LYPLAL1: variants seen among roughly 807,000 people sequenced by gnomAD.
LYPLAL1 encodes lysophospholipase like 1.
A neutral mutation model predicts 19.7 loss-of-function variants in LYPLAL1; 23 were observed. The observed-to-expected ratio is 1.17, with a 90% CI of 0.84 to 1.65. LYPLAL1 has a LOEUF of 1.65. Ranked by LOEUF, LYPLAL1 falls within the 40% of genes most tolerant of loss-of-function variation. The pLI, the probability that LYPLAL1 is intolerant of heterozygous loss-of-function variation, is 0.00. For synonymous variants in LYPLAL1, 119 were observed against 96.3 expected (o/e 1.24, Z -1.38); for missense variants, 355 against 279.4 (o/e 1.27, Z -1.93).
At chr1:219,187,349 A>G (rs1656811967) in intron 2 of LYPLAL1, among the ~76,000 whole-genome samples, 1 of 151,660 alleles carries the variant, frequency 6.6e-6, no homozygotes, top group African/African-American at 2.4e-5. Flanking sequence ...GGGCATAGTC[A>G]GTAAAAGTCA....
At chr1:219,240,400 T>A in the LYPLAL1 span, among the ~76,000 whole-genome samples, 1 of 152,178 alleles carries the variant, frequency 6.6e-6, no homozygotes, top group African/African-American at 2.4e-5. Flanking sequence ...TTTGGAAGAT[T>A]TTCTACAAAA....
At chr1:219,372,911 A>T in the LYPLAL1 span, among the ~76,000 whole-genome samples, 181 of 152,308 alleles carry the variant, frequency 1.2e-3, no homozygotes, top group Admixed American at 1.9e-3. Context: ...CTCAAAAAAA[A>T]AAATAAATAA....
chr1:219,386,189 A>T, the LYPLAL1 span, among the ~76,000 whole-genome samples: 2 of 152,184 alleles, frequency 1.3e-5, no homozygotes, highest in African/African-American at 4.8e-5. Flanking sequence ...TTGCCATTTA[A>T]CATTTCTATT....
At chr1:219,445,187 T>A in the LYPLAL1 span, among the ~76,000 whole-genome samples, 1 of 152,098 alleles carries the variant, frequency 6.6e-6, no homozygotes, top group Non-Finnish European at 1.5e-5. Flanking sequence ...AATTTTTTTT[T>A]AATAATAAGT....
the LYPLAL1 span, among the ~76,000 whole-genome samples, chr1:219,308,200 A>C: frequency 1.3e-5 from 2 of 152,112 alleles, no homozygotes; most frequent in Non-Finnish European, 2.9e-5. Flanking sequence ...GAGAGAGATG[A>C]TTTAGGGTAT....
the LYPLAL1 span, chr1:219,435,514 C>T: frequency 1.3e-5 from 2 of 152,080 alleles, no homozygotes; most frequent in Admixed American, 6.6e-5. Flanking sequence ...ATGTTATCTT[C>T]CTAATGTTAA....
chr1:219,255,458 G>A, the LYPLAL1 span, among the ~76,000 whole-genome samples: 253 of 151,950 alleles, frequency 1.7e-3, no homozygotes, highest in Non-Finnish European at 1.9e-3. Flanking sequence ...CTAATATGCA[G>A]CAAACTTGCT....
At chr1:219,411,413 GA>G in the LYPLAL1 span, among the ~76,000 whole-genome samples, 1 of 152,152 alleles carries the variant, frequency 6.6e-6, no homozygotes, top group Non-Finnish European at 1.5e-5. Context: ...GGGCCTTGGA[GA>G]ACCTGTGTGT....
At chr1:219,400,129 G>A in the LYPLAL1 span, among the ~76,000 whole-genome samples, 3 of 152,186 alleles carry the variant, frequency 2.0e-5, no homozygotes, top group East Asian at 3.9e-4. Flanking sequence ...CAGTATCGTC[G>A]TGCGGGGTTC....
chr1:219,180,294 A>AT (rs1353901358), intron 2 of LYPLAL1, among the ~76,000 whole-genome samples: 1 of 152,076 alleles, frequency 6.6e-6, no homozygotes, highest in Non-Finnish European at 1.5e-5. Flanking sequence ...CCTGTTCTTG[A>AT]TTTTTTTCTT....
At chr1:219,358,889 A>G in the LYPLAL1 span, among the ~76,000 whole-genome samples, 2 of 151,986 alleles carry the variant, frequency 1.3e-5, no homozygotes, top group Non-Finnish European at 1.5e-5. Context: ...GCCCCAGTTG[A>G]GACAGAGGTT....
chr1:219,403,506 CTA>C, the LYPLAL1 span, among the ~76,000 whole-genome samples: 1 of 152,078 alleles, frequency 6.6e-6, no homozygotes, highest in African/African-American at 2.4e-5. Flanking sequence ...AGTAAACAAT[CTA>C]TGTAAAAGAC....
At position 219,193,256 on chromosome 1, in the gene LYPLAL1, G is replaced by A. The variant is rs56970761; in HGVS notation, c.361+5G>A. ...AGAAGAACAGGATATTAATAGGTAA[G>A]ACCTTTAAATGTTGGTAATTTATCA... is the stretch of plus-strand genomic sequence containing the variant. On this transcript the variant is annotated splice_donor_5th_base_variant and intron_variant, in intron 3 of 4. Transcript: ENST00000366928. The A allele has an allele frequency of 1.2e-6, 2 of 1,602,572 alleles. No individual in the cohort carries two copies. The highest frequency in any genetic ancestry group is 2.7e-5 in the African/African-American group (2 of 74,590).
the LYPLAL1 span, among the ~76,000 whole-genome samples, chr1:219,419,586 C>CAGAGAGAGAGAGAG: frequency 1.1e-4 from 13 of 120,466 alleles, no homozygotes; most frequent in African/African-American, 4.2e-4. Context: ...CACACACACA[C>CAGAGAGAGAGAGAG]ACACACACAG....
At chr1:219,295,130 C>T in the LYPLAL1 span, among the ~76,000 whole-genome samples, 1 of 152,184 alleles carries the variant, frequency 6.6e-6, no homozygotes, top group Non-Finnish European at 1.5e-5. Context: ...TTCACCCTGG[C>T]TCTCCCACTT....
the LYPLAL1 span, among the ~76,000 whole-genome samples, chr1:219,316,368 T>G: frequency 2.0e-5 from 3 of 152,214 alleles, no homozygotes; most frequent in Non-Finnish European, 2.9e-5. Flanking sequence ...TTAAAGATTT[T>G]CATATCAATG....
chr1:219,308,602 G>A, the LYPLAL1 span, among the ~76,000 whole-genome samples: 1 of 152,200 alleles, frequency 6.6e-6, no homozygotes, highest in Admixed American at 6.5e-5. Flanking sequence ...TGGCTGGAAG[G>A]CGCCAACGTA....
chr1:219,440,795 T>C, the LYPLAL1 span, among the ~76,000 whole-genome samples: 6 of 152,178 alleles, frequency 3.9e-5, no homozygotes, highest in African/African-American at 1.2e-4. Flanking sequence ...GTAACAAATT[T>C]AAAGAGTATG....
the LYPLAL1 span, among the ~76,000 whole-genome samples, chr1:219,352,150 A>G: frequency 6.6e-6 from 1 of 152,168 alleles, no homozygotes; most frequent in Admixed American, 6.5e-5. Context: ...TTGAAGGCTG[A>G]CTCTATCATT....
Sources: gnomAD v4.1 joint callset for allele counts (sites outside exome capture counted in the v4.1 genomes callset) on GRCh38, gnomAD v4.1.1 for gene constraint, MANE v1.5 for transcripts, NCBI Gene and HGNC (gene_info 2026-07-23, HGNC 2026-07-21) for gene names.